The following KCNQ5 variants were observed in gnomAD, a reference collection of about 807,000 sequenced individuals.
KCNQ5 encodes the protein potassium voltage-gated channel subfamily Q member 5, also known as potassium voltage-gated channel subfamily KQT member 5.
In KCNQ5, 30 loss-of-function variants were observed where a neutral mutation model predicts 98.2. The observed-to-expected ratio is 0.31, with a 90% CI of 0.23 to 0.41. The LOEUF is 0.41. KCNQ5 is among the 10% of genes least tolerant of loss of function. The probability of loss-of-function intolerance (pLI) is 1.00; values close to 1 mark genes in which losing one functional copy is unlikely to be tolerated. For missense variants in KCNQ5, 835 were observed against 1,182.5 expected (o/e 0.71, Z 4.31); for synonymous variants, 458 against 449.4 (o/e 1.02, Z -0.24).
chr6:72,756,354 C>T (rs902613708), intron 1 of KCNQ5, among the ~76,000 whole-genome samples: 7 of 152,160 alleles, frequency 4.6e-5, no homozygotes, highest in Non-Finnish European at 8.8e-5. Context: ...CTCTCTACAA[C>T]ATTTACCAAA....
In KCNQ5 at chr6:72,867,976, A is replaced by C. The variant is rs557299356; in HGVS notation, c.399-135932A>C. Among the ~76,000 whole-genome samples, 138 of 151,308 alleles carry C rather than the reference A, an allele frequency of 9.1e-4. 1 individual carries two copies. The highest frequency in any genetic ancestry group is 4.8e-3 in the South Asian group (22 of 4,630). On this transcript the variant is annotated intron_variant, in intron 1 of 13. Coordinates refer to ENST00000370398, the MANE Select transcript of KCNQ5 (RefSeq NM_019842.4). ...ACTACTACTACTACTACTACTAATAATAATAATAATAATTGGAGAGTCTTG... is the reference window on the plus strand; with the variant it reads ...ACTACTACTACTACTACTACTAATACTAATAATAATAATTGGAGAGTCTTG...
At chr6:72,675,941 A>G (rs1767385621) in intron 1 of KCNQ5, among the ~76,000 whole-genome samples, 1 of 152,224 alleles carries the variant, frequency 6.6e-6, no homozygotes, top group African/African-American at 2.4e-5. Context: ...GTTTTTAAAT[A>G]TATCCATTCT....
intron 1 of KCNQ5, among the ~76,000 whole-genome samples, chr6:72,797,817 C>T (rs1385711435): frequency 1.3e-5 from 2 of 152,066 alleles, no homozygotes. Flanking sequence ...CATATTAAAT[C>T]ATTGGGATAT....
chr6:72,630,734 C>T (rs543043905), intron 1 of KCNQ5: 63 of 152,172 alleles, frequency 4.1e-4, no homozygotes, highest in African/African-American at 1.3e-3. Context: ...AGCATGGTGG[C>T]TCTCGCTGAA....
chr6:72,828,159 G>A (rs1297946470), intron 1 of KCNQ5, among the ~76,000 whole-genome samples: 1 of 152,058 alleles, frequency 6.6e-6, no homozygotes, highest in East Asian at 1.9e-4. Flanking sequence ...AGGACTGGTA[G>A]TGTGGTACCA....
Position 73,111,320 on chromosome 6 carries a change from T to C in KCNQ5, c.1042T>C (p.Ser348Pro), listed in dbSNP as rs1188118093. 1 of 1,611,018 alleles carries C rather than the reference T, an allele frequency of 6.2e-7. No homozygotes were observed. The highest frequency in any genetic ancestry group is 8.5e-7 in the Non-Finnish European group (1 of 1,179,170). ...TATTTTGTTCCAGGGCATTCTTGGC[T>C]CAGGTTTTGCATTAAAAGTACAAGA... ...FFALPAGILG[S>P]GFALKVQEQH... The change falls in exon 7 of 14, where the codon TCA (serine) becomes CCA (proline). Residue 348 changes from serine to proline, a missense_variant. Coordinates refer to ENST00000370398, the MANE Select transcript of KCNQ5 (RefSeq NM_019842.4).
At chr6:73,055,794 G>A (rs368064917) in intron 3 of KCNQ5, 1 of 858,506 alleles carries the variant, frequency 1.2e-6, no homozygotes. Flanking sequence ...AGTTCCTAGG[G>A]GATGAAGAGA....
intron 3 of KCNQ5, among the ~76,000 whole-genome samples, chr6:73,048,714 T>C (rs1341412278): frequency 2.0e-5 from 3 of 152,182 alleles, no homozygotes; most frequent in Non-Finnish European, 4.4e-5. Flanking sequence ...TATAAGGAAA[T>C]AATCCTCTGA....
At chr6:72,773,473 G>A (rs1773009923) in intron 1 of KCNQ5, among the ~76,000 whole-genome samples, 2 of 151,990 alleles carry the variant, frequency 1.3e-5, no homozygotes, top group Admixed American at 6.6e-5. Flanking sequence ...GCTAGGGGAG[G>A]GATAGCATTA....
chr6:72,934,004 G>A (rs935145852), intron 1 of KCNQ5, among the ~76,000 whole-genome samples: 2 of 152,170 alleles, frequency 1.3e-5, no homozygotes, highest in African/African-American at 4.8e-5. Context: ...AGGCTGCAAT[G>A]AGCTATGATC....
chr6:72,629,698 A>G (rs977929446), intron 1 of KCNQ5, among the ~76,000 whole-genome samples: 2 of 152,236 alleles, frequency 1.3e-5, no homozygotes, highest in African/African-American at 4.8e-5. Context: ...TCCTAGCCCA[A>G]TGGTGTGAAA....
rs557667151 is a variant in KCNQ5, at chr6:73,133,660, T to C, written c.1468+19T>C. The C allele has an allele frequency of 1.4e-5, 22 of 1,604,498 alleles. No individual in the cohort carries two copies. In the South Asian group the frequency reaches 1.5e-4, roughly 11 times the overall value. On this transcript the variant is annotated intron_variant, in intron 10 of 13. Transcript: ENST00000370398. ...ATAGATGGTAAGCCCTGTTTTTCCA[T>C]AACCATTTTTAATTGGATAGGCTAT...
At chr6:73,158,494 T>C (rs1168279059) in intron 10 of KCNQ5, among the ~76,000 whole-genome samples, 1 of 152,028 alleles carries the variant, frequency 6.6e-6, no homozygotes, top group Admixed American at 6.5e-5. Context: ...CTCGAACTCC[T>C]GACCTCAGGG....
intron 5 of KCNQ5, among the ~76,000 whole-genome samples, chr6:73,080,508 C>T (rs929710151): frequency 1.3e-5 from 2 of 151,982 alleles, no homozygotes; most frequent in African/African-American, 4.8e-5. Flanking sequence ...TTAAGAAGAA[C>T]ATATACTAGA....
chr6:72,948,491 A>T (rs1766647685), intron 1 of KCNQ5, among the ~76,000 whole-genome samples: 1 of 152,012 alleles, frequency 6.6e-6, no homozygotes, highest in Admixed American at 6.6e-5. Flanking sequence ...AGAAAAAAAA[A>T]TCTTTTTCTT....
At chr6:73,050,933 G>T (rs1322326768) in intron 3 of KCNQ5, among the ~76,000 whole-genome samples, 1 of 152,146 alleles carries the variant, frequency 6.6e-6, no homozygotes, top group Non-Finnish European at 1.5e-5. Flanking sequence ...TTGCTTAATA[G>T]AATTCCATGA....
intron 1 of KCNQ5, chr6:72,987,273 GA>G (rs1768827454): frequency 2.9e-6 from 2 of 693,518 alleles, no homozygotes; most frequent in Admixed American, 3.5e-5. Flanking sequence ...GGAGGAAACA[GA>G]GACGGACTTA....
intron 1 of KCNQ5, among the ~76,000 whole-genome samples, chr6:72,641,040 C>A (rs2154472006): frequency 6.6e-6 from 1 of 152,204 alleles, no homozygotes; most frequent in African/African-American, 2.4e-5. Context: ...TAGTAATTTC[C>A]ATGACTTTTC....
intron 1 of KCNQ5, among the ~76,000 whole-genome samples, chr6:72,669,647 A>G (rs1482611931): frequency 6.6e-6 from 1 of 152,136 alleles, no homozygotes; most frequent in Non-Finnish European, 1.5e-5. Context: ...TTTGAAGACT[A>G]GTTCGTGTTC....
Sources: allele counts gnomAD v4.1 joint callset (sites outside exome capture counted in the v4.1 genomes callset), GRCh38; gene constraint gnomAD v4.1.1; transcripts MANE v1.5; gene names NCBI Gene and HGNC (gene_info 2026-07-23, HGNC 2026-07-21).